ENTREP2: variants seen among roughly 807,000 people sequenced by gnomAD.
The protein encoded by ENTREP2 is endosomal transmembrane epsin interactor 2, also known as protein ENTREP2.
At chr15:29,499,277 G>C in the ENTREP2 span, among the ~76,000 whole-genome samples, 10 of 150,034 alleles carry the variant, frequency 6.7e-5, no homozygotes, top group Admixed American at 2.0e-4. Flanking sequence ...AGTATGCTTT[G>C]ATTCCTTTCT....
At chr15:29,389,925 C>T in the ENTREP2 span, among the ~76,000 whole-genome samples, 11 of 152,124 alleles carry the variant, frequency 7.2e-5, no homozygotes, top group African/African-American at 1.9e-4. Flanking sequence ...TCCCTGATAC[C>T]GGAAACACTG....
chr15:29,218,416 A>G, the ENTREP2 span, among the ~76,000 whole-genome samples: 1 of 152,180 alleles, frequency 6.6e-6, no homozygotes, highest in Admixed American at 6.5e-5. Flanking sequence ...ATTCAATGCA[A>G]TCCCCATCAA....
the ENTREP2 span, among the ~76,000 whole-genome samples, chr15:29,167,388 C>T: frequency 6.6e-6 from 1 of 152,092 alleles, no homozygotes; most frequent in African/African-American, 2.4e-5. Context: ...AGACAATCCA[C>T]AGAGTGGGAG....
the ENTREP2 span, among the ~76,000 whole-genome samples, chr15:29,345,852 C>T: frequency 6.6e-6 from 1 of 152,178 alleles, no homozygotes. Flanking sequence ...GGCCACACTG[C>T]CCATCAAAAG....
At chr15:29,446,853 G>A in the ENTREP2 span, among the ~76,000 whole-genome samples, 24 of 152,304 alleles carry the variant, frequency 1.6e-4, 2 homozygotes, top group South Asian at 5.0e-3. Flanking sequence ...AGAGCCAGGA[G>A]CATGGTATCT....
the ENTREP2 span, among the ~76,000 whole-genome samples, chr15:29,147,560 A>AT: frequency 1.3e-5 from 2 of 152,296 alleles, no homozygotes; most frequent in South Asian, 2.1e-4. Context: ...AAGAAAGATC[A>AT]TAAGTGTTGG....
At chr15:29,207,039 G>C in the ENTREP2 span, among the ~76,000 whole-genome samples, 1 of 152,104 alleles carries the variant, frequency 6.6e-6, no homozygotes, top group Non-Finnish European at 1.5e-5. Flanking sequence ...ACTTTCCCGC[G>C]AGTGGCTCAA....
chr15:29,166,229 A>G, the ENTREP2 span, among the ~76,000 whole-genome samples: 1 of 152,210 alleles, frequency 6.6e-6, no homozygotes, highest in Non-Finnish European at 1.5e-5. Flanking sequence ...TGAATGGGGA[A>G]AAACTGAAAG....
chr15:29,321,136 C>T, the ENTREP2 span, among the ~76,000 whole-genome samples: 16 of 152,190 alleles, frequency 1.1e-4, no homozygotes, highest in Admixed American at 2.0e-4. Context: ...AAAAACTCTA[C>T]GCTGAGGCAT....
chr15:29,296,875 A>G, the ENTREP2 span, among the ~76,000 whole-genome samples: 1 of 152,164 alleles, frequency 6.6e-6, no homozygotes, highest in African/African-American at 2.4e-5. Flanking sequence ...TGGTTGGCAA[A>G]CTGTAGCACA....
the ENTREP2 span, among the ~76,000 whole-genome samples, chr15:29,643,807 G>GA: frequency 6.7e-6 from 1 of 148,792 alleles, no homozygotes; most frequent in Non-Finnish European, 1.5e-5. Flanking sequence ...AAGAAAGAAA[G>GA]AAAAAGACTT....
At chr15:29,300,882 C>T in the ENTREP2 span, among the ~76,000 whole-genome samples, 1 of 152,200 alleles carries the variant, frequency 6.6e-6, no homozygotes, top group African/African-American at 2.4e-5. Flanking sequence ...CAGGCATGAG[C>T]CACTGTGCCC....
chr15:29,165,435 A>G, the ENTREP2 span, among the ~76,000 whole-genome samples: 1 of 152,220 alleles, frequency 6.6e-6, no homozygotes, highest in Non-Finnish European at 1.5e-5. Flanking sequence ...ACCATTAGTA[A>G]GATTAACCAA....
At chr15:29,665,027 G>A in the ENTREP2 span, among the ~76,000 whole-genome samples, 1 of 152,172 alleles carries the variant, frequency 6.6e-6, no homozygotes, top group East Asian at 1.9e-4. Flanking sequence ...GCAGTCATCG[G>A]TTGGGAACTT....
the ENTREP2 span, among the ~76,000 whole-genome samples, chr15:29,385,777 G>A: frequency 6.6e-6 from 1 of 152,130 alleles, no homozygotes; most frequent in Non-Finnish European, 1.5e-5. Flanking sequence ...GTGAGAACGG[G>A]CAATCCTGTT....
chr15:29,127,750 GTCTATT>G, the ENTREP2 span, among the ~76,000 whole-genome samples: 1 of 152,132 alleles, frequency 6.6e-6, no homozygotes, highest in Admixed American at 6.5e-5. Flanking sequence ...GAGCACCCCT[GTCTATT>G]TCCACCTGCC....
chr15:29,326,412 T>C, the ENTREP2 span, among the ~76,000 whole-genome samples: 6 of 152,216 alleles, frequency 3.9e-5, no homozygotes, highest in Admixed American at 3.9e-4. Context: ...TCAATTGCTT[T>C]CCCATATTCC....
chr15:29,155,542 A>G, the ENTREP2 span, among the ~76,000 whole-genome samples: 1 of 151,900 alleles, frequency 6.6e-6, no homozygotes, highest in Middle Eastern at 3.4e-3. Flanking sequence ...CCCTCTGAAG[A>G]CCCCCATGTT....
the ENTREP2 span, among the ~76,000 whole-genome samples, chr15:29,378,087 C>A: frequency 0.3 from 46,029 of 151,422 alleles, 7,700 homozygotes; most frequent in African/African-American, 0.45. Context: ...TTGGCTGGAA[C>A]AAAGGAGGAT....
Sources: allele counts gnomAD v4.1 joint callset (sites outside exome capture counted in the v4.1 genomes callset), GRCh38; gene constraint gnomAD v4.1.1; transcripts MANE v1.5; gene names NCBI Gene and HGNC (gene_info 2026-07-23, HGNC 2026-07-21).